CAP2: variants seen among roughly 807,000 people sequenced by gnomAD.
The protein encoded by CAP2 is adenylyl cyclase-associated protein 2.
In CAP2, 24 loss-of-function variants were observed where a neutral mutation model predicts 57.7. That is an observed-to-expected ratio of 0.42 (90% CI 0.30 to 0.58). The LOEUF (loss-of-function observed/expected upper bound fraction) is 0.58. Ranked by LOEUF, CAP2 falls within the 20% of genes least tolerant of loss-of-function variation. CAP2 has a pLI of 0.22. For synonymous variants in CAP2, 194 were observed against 207.2 expected (o/e 0.94, Z 0.55); for missense variants, 501 against 590.3 (o/e 0.85, Z 1.57).
At chr6:17,536,435 A>G in intron 7 of CAP2, 1 of 367,448 alleles carries the variant, frequency 2.7e-6, no homozygotes, top group South Asian at 2.1e-5. Flanking sequence ...AAGCCAGGAC[A>G]TACAAAGGAT....
At chr6:17,527,757 G>A (rs1762544572) in intron 7 of CAP2, among the ~76,000 whole-genome samples, 1 of 152,016 alleles carries the variant, frequency 6.6e-6, no homozygotes, top group Admixed American at 6.5e-5. Context: ...ACCATGCCTG[G>A]CTAATTTTTA....
At chr6:17,531,377 T>C in intron 7 of CAP2, 1 of 1,593,446 alleles carries the variant, frequency 6.3e-7, no homozygotes, top group East Asian at 2.2e-5. Flanking sequence ...AAACGCCAAT[T>C]TGGGTTCTGC....
At chr6:17,406,487 G>A (rs1758981875) in intron 1 of CAP2, among the ~76,000 whole-genome samples, 1 of 149,268 alleles carries the variant, frequency 6.7e-6, no homozygotes. Flanking sequence ...TCCGCCTCCT[G>A]GATTCAAGCA....
At position 17,456,849 on chromosome 6, in the gene CAP2, T is replaced by C. The variant is rs536500058; in HGVS notation, c.223-6147T>C. Reference sequence around the variant, plus strand: ...CCCGTTGTGCCTGTTCATTTTGCCATCCACATGGGACTTTGCAGCCTGTAG... The same window carrying C: ...CCCGTTGTGCCTGTTCATTTTGCCACCCACATGGGACTTTGCAGCCTGTAG... On this transcript the variant is annotated intron_variant, in intron 3 of 12. Coordinates refer to ENST00000229922, the MANE Select transcript of CAP2 (RefSeq NM_006366.3). 2.2e-4 allele frequency among the ~76,000 whole-genome samples: 34 copies of C among 152,248 alleles called. No individual in the cohort carries two copies. In the South Asian group the frequency reaches 6.6e-3, roughly 30 times the overall value.
In CAP2 at chr6:17,432,921, C is replaced by T. The variant is rs1269833722; in HGVS notation, c.222+6231C>T. Among the ~76,000 whole-genome samples the T allele has an allele frequency of 2.0e-5, 3 of 151,134 alleles. No homozygotes were observed. In the East Asian group the frequency reaches 5.8e-4, roughly 29 times the overall value. ...CCTTTGCTTTTATTTTCTTTTACTT[C>T]CTTCCTTCCCTTCTTTTTCCTCCCT... On this transcript the variant is annotated intron_variant, in intron 3 of 12. Transcript: ENST00000229922.
intron 1 of CAP2, among the ~76,000 whole-genome samples, chr6:17,412,474 G>A (rs1485200710): frequency 2.6e-5 from 4 of 152,334 alleles, no homozygotes; most frequent in South Asian, 4.1e-4. Context: ...CCAGAATCAC[G>A]TGGGTTGTCA....
intron 7 of CAP2, among the ~76,000 whole-genome samples, chr6:17,519,040 G>A (rs993572357): frequency 5.3e-5 from 8 of 152,126 alleles, no homozygotes. Flanking sequence ...AACATCTCAA[G>A]TACTTTCAGT....
At chr6:17,511,203 G>A (rs1212586419) in intron 6 of CAP2, among the ~76,000 whole-genome samples, 1 of 152,066 alleles carries the variant, frequency 6.6e-6, no homozygotes, top group Non-Finnish European at 1.5e-5. Flanking sequence ...TCACCCTTGA[G>A]CTTCTGAAAG....
intron 1 of CAP2, among the ~76,000 whole-genome samples, chr6:17,398,198 G>A (rs1758719045): frequency 6.6e-6 from 1 of 152,140 alleles, no homozygotes; most frequent in African/African-American, 2.4e-5. Flanking sequence ...ATGAGAGGGA[G>A]GACAACTTTA....
At chr6:17,421,921 C>A (rs766188547) in intron 2 of CAP2, among the ~76,000 whole-genome samples, 3 of 152,232 alleles carry the variant, frequency 2.0e-5, no homozygotes, top group Non-Finnish European at 4.4e-5. Context: ...CTCGCTCTAT[C>A]ACCCAGGCTG....
At chr6:17,444,718 A>G (rs1760201577) in intron 3 of CAP2, among the ~76,000 whole-genome samples, 2 of 151,570 alleles carry the variant, frequency 1.3e-5, no homozygotes, top group Non-Finnish European at 2.9e-5. Flanking sequence ...AGAAACATAG[A>G]CTATTATCAA....
chr6:17,485,734 T>C (rs1004047809), intron 4 of CAP2, among the ~76,000 whole-genome samples: 2 of 152,254 alleles, frequency 1.3e-5, no homozygotes, highest in African/African-American at 4.8e-5. Context: ...CTTGGCTTCC[T>C]GCTGTCCTGC....
At chr6:17,545,739 TC>T (rs1763028301) in intron 11 of CAP2, among the ~76,000 whole-genome samples, 1 of 152,132 alleles carries the variant, frequency 6.6e-6, no homozygotes, top group African/African-American at 2.4e-5. Flanking sequence ...ATGTTCCCCT[TC>T]CTGTGTCCAA....
intron 11 of CAP2, among the ~76,000 whole-genome samples, chr6:17,548,324 G>A (rs1479384112): frequency 6.6e-6 from 1 of 150,982 alleles, no homozygotes; most frequent in South Asian, 2.1e-4. Flanking sequence ...CCAAGATCCC[G>A]CCACTGCACT....
At chr6:17,467,740 G>T (rs1448506014) in intron 4 of CAP2, among the ~76,000 whole-genome samples, 6 of 152,088 alleles carry the variant, frequency 3.9e-5, no homozygotes, top group Non-Finnish European at 8.8e-5. Flanking sequence ...GGTCAGGCTG[G>T]TCTTGAACTC....
At chr6:17,417,854 C>T (rs1179943879) in intron 1 of CAP2, among the ~76,000 whole-genome samples, 2 of 152,136 alleles carry the variant, frequency 1.3e-5, no homozygotes, top group Non-Finnish European at 2.9e-5. Context: ...CTTGCTGTAT[C>T]CCCCTATTCT....
chr6:17,400,860 G>A (rs572329342), intron 1 of CAP2, among the ~76,000 whole-genome samples: 12 of 115,256 alleles, frequency 1.0e-4, no homozygotes, highest in East Asian at 4.3e-4. Flanking sequence ...GTGAGACTCC[G>A]TCTCAAAAAA....
chr6:17,518,137 T>A (rs973164403), intron 7 of CAP2, among the ~76,000 whole-genome samples: 1 of 152,144 alleles, frequency 6.6e-6, no homozygotes, highest in African/African-American at 2.4e-5. Context: ...GGTCAGATAT[T>A]AAAAATGATT....
intron 3 of CAP2, among the ~76,000 whole-genome samples, chr6:17,430,739 A>G (rs895722243): frequency 6.6e-6 from 1 of 152,090 alleles, no homozygotes; most frequent in Non-Finnish European, 1.5e-5. Context: ...GGGTTTTACC[A>G]TGTTGGCCAG....
Sources: gnomAD v4.1 joint callset for allele counts (sites outside exome capture counted in the v4.1 genomes callset) on GRCh38, gnomAD v4.1.1 for gene constraint, MANE v1.5 for transcripts, NCBI Gene and HGNC (gene_info 2026-07-23, HGNC 2026-07-21) for gene names.